SYT9: variants seen among roughly 807,000 people sequenced by gnomAD.
The protein encoded by SYT9 is synaptotagmin-9.
Under a neutral mutation model 48.4 loss-of-function variants are expected in SYT9, and 22 were observed. The ratio of observed to expected loss-of-function variants is 0.45; its 90% CI spans 0.32 to 0.65. SYT9 has a LOEUF of 0.65. Ranked by LOEUF, SYT9 falls within the 30% of genes least tolerant of loss-of-function variation. SYT9 has a pLI of 0.03. For synonymous variants in SYT9, 265 were observed against 245.0 expected, an observed-to-expected ratio of 1.08 and a Z score of -0.76; for missense variants, 577 against 622.0, an observed-to-expected ratio of 0.93 and a Z score of 0.77.
intron 1 of SYT9, among the ~76,000 whole-genome samples, chr11:7,291,279 A>G (rs755194006): frequency 6.6e-6 from 1 of 152,212 alleles, no homozygotes; most frequent in Non-Finnish European, 1.5e-5. Context: ...TGGAACTTCC[A>G]TAGTTCCCTA....
intron 1 of SYT9, among the ~76,000 whole-genome samples, chr11:7,264,580 G>C (rs551678508): frequency 1.1e-4 from 16 of 152,174 alleles, no homozygotes; most frequent in African/African-American, 3.6e-4. Context: ...TGGATTGTAG[G>C]TCCTGGAGGG....
intron 6 of SYT9, chr11:7,465,715 C>G (rs556936134): frequency 1.3e-5 from 2 of 159,394 alleles, no homozygotes; most frequent in Non-Finnish European, 2.7e-5. Flanking sequence ...AAAGACATAT[C>G]CGAGAGTGGG....
intron 3 of SYT9, among the ~76,000 whole-genome samples, chr11:7,369,719 G>GTT (rs149978596): frequency 0.043 from 6,389 of 147,548 alleles, 487 homozygotes; most frequent in African/African-American, 0.15. Flanking sequence ...CGGATAATGG[G>GTT]TTTTTTTTTA....
intron 1 of SYT9, among the ~76,000 whole-genome samples, chr11:7,293,749 C>T (rs948754898): frequency 1.3e-5 from 2 of 152,142 alleles, no homozygotes; most frequent in East Asian, 3.8e-4. Flanking sequence ...GGTCTTAGGT[C>T]ACTTGGAATA....
chr11:7,302,449 C>A (rs549362507), intron 1 of SYT9, among the ~76,000 whole-genome samples: 3 of 152,328 alleles, frequency 2.0e-5, no homozygotes, highest in Non-Finnish European at 4.4e-5. Flanking sequence ...TTCTATCCTG[C>A]GTCCTGAGGA....
upstream of SYT9, among the ~76,000 whole-genome samples, chr11:7,250,086 G>A (rs889429215): frequency 5.9e-5 from 9 of 152,124 alleles, no homozygotes; most frequent in Non-Finnish European, 1.2e-4. Flanking sequence ...CCTTTCCAAT[G>A]ATGATTGCCA....
At chr11:7,383,903 C>T (rs1850610268) in intron 3 of SYT9, among the ~76,000 whole-genome samples, 1 of 152,256 alleles carries the variant, frequency 6.6e-6, no homozygotes, top group East Asian at 1.9e-4. Context: ...GACTTCTAAC[C>T]TCAATTCCCT....
chr11:7,337,813 G>T (rs1849653464), intron 3 of SYT9, among the ~76,000 whole-genome samples: 1 of 152,086 alleles, frequency 6.6e-6, no homozygotes, highest in South Asian at 2.1e-4. Flanking sequence ...AAGGATATTG[G>T]CCTGAGGTTT....
intron 6 of SYT9, among the ~76,000 whole-genome samples, chr11:7,437,167 T>G (rs1383529532): frequency 6.6e-6 from 1 of 152,204 alleles, no homozygotes; most frequent in Non-Finnish European, 1.5e-5. Flanking sequence ...TTTCCAGAGA[T>G]AGCCTAAGTT....
In SYT9 at chr11:7,252,589, C is replaced by T. The variant is rs927491978; in HGVS notation, c.145+258C>T. Among the ~76,000 whole-genome samples, 5 of 152,214 alleles carry T rather than the reference C, an allele frequency of 3.3e-5. No individual in the cohort carries two copies. The highest frequency in any genetic ancestry group is 2.1e-4 in the South Asian group (1 of 4,834). ...GGAGGGACCACGCCCGCCACCTGCG[C>T]TCCCATCGCCAAGGCTCCTGGGGGC... On this transcript the variant is annotated intron_variant, in intron 1 of 6. Transcript: ENST00000318881. The surrounding 1 kb of genome is among the most constrained non-coding windows in gnomAD (Gnocchi z 6.3).
At chr11:7,341,617 G>A (rs1849714936) in intron 3 of SYT9, among the ~76,000 whole-genome samples, 1 of 152,062 alleles carries the variant, frequency 6.6e-6, no homozygotes, top group African/African-American at 2.4e-5. Flanking sequence ...AAATTACCCA[G>A]TCTTAGATAT....
chr11:7,278,690 T>C (rs1398835371), intron 1 of SYT9, among the ~76,000 whole-genome samples: 1 of 152,182 alleles, frequency 6.6e-6, no homozygotes, highest in Non-Finnish European at 1.5e-5. Context: ...TAAAACTAGG[T>C]ATAGTTTTAA....
rs753864324 is a variant in SYT9 at position 7,303,188 on chromosome 11, C to A, written c.295C>A (p.Leu99Ile). 2 of 1,614,152 alleles carry A rather than the reference C, an allele frequency of 1.2e-6. No individual in the cohort carries two copies. Among genetic ancestry groups the A allele is most frequent in the Non-Finnish European group, 1.7e-6 (2 of 1,180,016 alleles). Residue 99 changes from leucine to isoleucine, a missense_variant, in exon 2 of 7, where the codon CTT becomes ATT. By Grantham distance (5) the Leu-to-Ile change is conservative. Transcript: ENST00000318881. ...SGSKDNNQEP[L>I]NYMDTETNEQ... The stretch of plus-strand genomic sequence containing the variant: ...TAGCAAAGACAACAACCAGGAGCCC[C>A]TTAACTACATGGACACAGAGACCAA...
At chr11:7,329,110 C>A (rs957152336) in intron 3 of SYT9, among the ~76,000 whole-genome samples, 4 of 152,170 alleles carry the variant, frequency 2.6e-5, no homozygotes, top group Non-Finnish European at 4.4e-5. Flanking sequence ...AATTCACAGC[C>A]ATGATCTCTT....
intron 3 of SYT9, among the ~76,000 whole-genome samples, chr11:7,382,260 G>A (rs1343025369): frequency 1.3e-5 from 2 of 152,170 alleles, no homozygotes; most frequent in African/African-American, 4.8e-5. Flanking sequence ...AGAGATGGTG[G>A]TATCTTAAGA....
At chr11:7,436,998 G>T (rs949196105) in intron 6 of SYT9, among the ~76,000 whole-genome samples, 29 of 152,226 alleles carry the variant, frequency 1.9e-4, no homozygotes, top group African/African-American at 7.0e-4. Flanking sequence ...ATACCTGAAA[G>T]CACCTAGCAT....
intron 3 of SYT9, among the ~76,000 whole-genome samples, chr11:7,394,567 C>T (rs1846708760): frequency 6.6e-6 from 1 of 152,134 alleles, no homozygotes; most frequent in Admixed American, 6.5e-5. Context: ...TTAGATCCCT[C>T]TTTTTCTTTG....
intron 3 of SYT9, among the ~76,000 whole-genome samples, chr11:7,329,698 C>T (rs1190524383): frequency 6.6e-6 from 1 of 152,160 alleles, no homozygotes; most frequent in African/African-American, 2.4e-5. Context: ...ATATTTTTAG[C>T]TTTTTCAGCC....
At chr11:7,343,889 A>G (rs1227612398) in intron 3 of SYT9, among the ~76,000 whole-genome samples, 5 of 152,212 alleles carry the variant, frequency 3.3e-5, no homozygotes, top group Non-Finnish European at 7.3e-5. Flanking sequence ...GGCAGGCAAG[A>G]CAGAATGAGA....
Sources: allele counts gnomAD v4.1 joint callset (sites outside exome capture counted in the v4.1 genomes callset), GRCh38; gene constraint gnomAD v4.1.1; non-coding constraint Gnocchi (gnomAD v3.1); transcripts MANE v1.5; gene names NCBI Gene and HGNC (gene_info 2026-07-23, HGNC 2026-07-21).